Variants in SLC60A1 observed in about 807,000 individuals in gnomAD.
The protein encoded by SLC60A1 is solute carrier family 60 member 1.
chr1:205,598,902 G>C, the SLC60A1 span: 2 of 570,592 alleles, frequency 3.5e-6, no homozygotes, highest in Non-Finnish European at 3.1e-6. Context: ...AGGGACTGCA[G>C]GGGGTCACCA....
chr1:205,590,179 A>C, the SLC60A1 span, among the ~76,000 whole-genome samples: 4 of 152,204 alleles, frequency 2.6e-5, no homozygotes, highest in Non-Finnish European at 4.4e-5. Context: ...AGGGATAGAT[A>C]CAAGCATGCC....
At chr1:205,580,277 C>T in the SLC60A1 span, among the ~76,000 whole-genome samples, 1 of 152,116 alleles carries the variant, frequency 6.6e-6, no homozygotes, top group Non-Finnish European at 1.5e-5. This position sits in a 1 kb window ranked among gnomAD's most constrained non-coding sequence, Gnocchi z 5.0. Context: ...CAGCCCTTCC[C>T]TTTTTGTGCC....
At chr1:205,600,664 T>A in the SLC60A1 span, 1 of 569,896 alleles carries the variant, frequency 1.8e-6, no homozygotes, top group Non-Finnish European at 3.1e-6. Flanking sequence ...GCTTCTCAAG[T>A]TATCTTCTTC....
chr1:205,584,962 C>T, the SLC60A1 span: 1 of 1,614,014 alleles, frequency 6.2e-7, no homozygotes, highest in Non-Finnish European at 8.5e-7. Flanking sequence ...CACGGGCGCC[C>T]TGGTACTGTT....
the SLC60A1 span, chr1:205,600,310 A>G: frequency 2.3e-6 from 3 of 1,300,344 alleles, no homozygotes; most frequent in South Asian, 3.9e-5. Context: ...AGAATGGCAG[A>G]GAAACAAACA....
the SLC60A1 span, among the ~76,000 whole-genome samples, chr1:205,588,340 C>T: frequency 2.6e-5 from 4 of 151,864 alleles, no homozygotes; most frequent in Non-Finnish European, 4.4e-5. Flanking sequence ...CGTGGTGGCG[C>T]CTGCCTGTAA....
the SLC60A1 span, among the ~76,000 whole-genome samples, chr1:205,586,936 G>T: frequency 6.6e-6 from 1 of 152,074 alleles, no homozygotes; most frequent in African/African-American, 2.4e-5. Flanking sequence ...ACCTCTTAAT[G>T]ATCCACCCGC....
the SLC60A1 span, chr1:205,569,339 G>A: frequency 1.4e-4 from 183 of 1,313,294 alleles, 1 homozygote; most frequent in South Asian, 1.1e-3. Flanking sequence ...CGCGGCCCCC[G>A]GCACCCACCC....
chr1:205,577,018 A>G, the SLC60A1 span, among the ~76,000 whole-genome samples: 1 of 152,098 alleles, frequency 6.6e-6, no homozygotes, highest in Non-Finnish European at 1.5e-5. The surrounding 1 kb of genome is among the most constrained non-coding windows in gnomAD (Gnocchi z 5.2). Flanking sequence ...AGCCTGGGAC[A>G]AACCATACCT....
chr1:205,591,082 A>G, the SLC60A1 span, among the ~76,000 whole-genome samples: 1 of 152,212 alleles, frequency 6.6e-6, no homozygotes, highest in African/African-American at 2.4e-5. Context: ...TCCCAGATAC[A>G]TCTTGCACAG....
chr1:205,597,381 T>G, the SLC60A1 span, among the ~76,000 whole-genome samples: 3,499 of 107,594 alleles, frequency 0.033, 233 homozygotes, highest in African/African-American at 0.1. Context: ...TTGTTTTTTT[T>G]TTTTTTTTTT....
the SLC60A1 span, among the ~76,000 whole-genome samples, chr1:205,596,747 C>T: frequency 2.6e-5 from 4 of 152,068 alleles, no homozygotes; most frequent in African/African-American, 7.2e-5. Flanking sequence ...CTTGAAAGTC[C>T]TTGGCCTTCA....
chr1:205,581,204 GA>G, the SLC60A1 span, among the ~76,000 whole-genome samples: 1 of 152,338 alleles, frequency 6.6e-6, no homozygotes, highest in African/African-American at 2.4e-5. This position sits in a 1 kb window ranked among gnomAD's most constrained non-coding sequence, Gnocchi z 4.2. Flanking sequence ...GGTTCTGTGG[GA>G]AACTAGTTTT....
the SLC60A1 span, among the ~76,000 whole-genome samples, chr1:205,596,544 C>CAAAAAAA: frequency 7.2e-3 from 354 of 49,138 alleles, 55 homozygotes; most frequent in Middle Eastern, 0.024. Flanking sequence ...GACTCTGTCT[C>CAAAAAAA]AAAAAAAAAA....
chr1:205,587,859 C>T, the SLC60A1 span, among the ~76,000 whole-genome samples: 1 of 152,132 alleles, frequency 6.6e-6, no homozygotes, highest in Non-Finnish European at 1.5e-5. Context: ...CTGTCTAGGT[C>T]AGACACAAGG....
the SLC60A1 span, chr1:205,597,672 C>A: frequency 8.9e-7 from 1 of 1,118,422 alleles, no homozygotes; most frequent in Non-Finnish European, 1.3e-6. Flanking sequence ...CTGGGATGTG[C>A]CTTCCGAAAT....
At chr1:205,584,879 A>C in the SLC60A1 span, 1 of 1,613,902 alleles carries the variant, frequency 6.2e-7, no homozygotes, top group South Asian at 1.1e-5. Flanking sequence ...CCTGCAGGGC[A>C]TGAGGACCTG....
At chr1:205,574,697 T>C in the SLC60A1 span, among the ~76,000 whole-genome samples, 1 of 152,120 alleles carries the variant, frequency 6.6e-6, no homozygotes, top group Non-Finnish European at 1.5e-5. Context: ...GGAGATGATA[T>C]TAAAGCTGAC....
the SLC60A1 span, among the ~76,000 whole-genome samples, chr1:205,593,882 G>T: frequency 6.6e-6 from 1 of 152,194 alleles, no homozygotes; most frequent in African/African-American, 2.4e-5. Flanking sequence ...ATTCCTGTGA[G>T]AGAATGAATT....
Sources: gnomAD v4.1 joint callset for allele counts (sites outside exome capture counted in the v4.1 genomes callset) on GRCh38, gnomAD v4.1.1 for gene constraint, Gnocchi (gnomAD v3.1) non-coding constraint, MANE v1.5 for transcripts, NCBI Gene and HGNC (gene_info 2026-07-23, HGNC 2026-07-21) for gene names.